CSMD1: variants seen among roughly 807,000 people sequenced by gnomAD.
CSMD1 encodes the protein CUB and sushi domain-containing protein 1.
CSMD1 carries 213 observed loss-of-function variants against 417.5 expected under a neutral mutation model. The observed-to-expected ratio is 0.51, with a 90% confidence interval of 0.46 to 0.57. CSMD1 has a LOEUF of 0.57. CSMD1 is among the 20% of genes least tolerant of loss of function. CSMD1 has a pLI of 0.00. For synonymous variants in CSMD1, 2,862 were observed against 1,736.8 expected (o/e 1.65, Z -16.11); for missense variants, 6,923 against 4,529.7 (o/e 1.53, Z -15.17).
At chr8:4,429,730 T>C (rs1797763696) in intron 2 of CSMD1, among the ~76,000 whole-genome samples, 1 of 152,154 alleles carries the variant, frequency 6.6e-6, no homozygotes, top group East Asian at 1.9e-4. Context: ...GTGGGTCTCC[T>C]GTAACCCACA....
intron 1 of CSMD1, among the ~76,000 whole-genome samples, chr8:4,678,538 G>T (rs1805837127): frequency 6.6e-6 from 1 of 152,118 alleles, no homozygotes; most frequent in African/African-American, 2.4e-5. Flanking sequence ...GTGAATTTCA[G>T]CAATAATTCT....
At chr8:4,514,808 C>G (rs1396379871) in intron 2 of CSMD1, among the ~76,000 whole-genome samples, 1 of 152,130 alleles carries the variant, frequency 6.6e-6, no homozygotes, top group African/African-American at 2.4e-5. Flanking sequence ...TACCTTAGTG[C>G]TGGCTGCTGT....
chr8:3,628,652 A>T (rs1227876401), intron 7 of CSMD1, among the ~76,000 whole-genome samples: 1 of 152,072 alleles, frequency 6.6e-6, no homozygotes. Flanking sequence ...AGGGGAGGGC[A>T]TGGGCATCCT....
At chr8:3,337,473 A>AGAT (rs1373033350) in intron 23 of CSMD1, among the ~76,000 whole-genome samples, 1 of 152,174 alleles carries the variant, frequency 6.6e-6, no homozygotes, top group Non-Finnish European at 1.5e-5. Context: ...ATGGCTTCAA[A>AGAT]GATCTCTTTG....
chr8:3,829,217 T>C (rs957820797), intron 5 of CSMD1, among the ~76,000 whole-genome samples: 2 of 152,088 alleles, frequency 1.3e-5, no homozygotes, highest in South Asian at 2.1e-4. Context: ...GTCCATTGTA[T>C]CCTTCTTATG....
chr8:3,316,321 G>GT (rs1279067535), intron 23 of CSMD1, among the ~76,000 whole-genome samples: 1 of 150,998 alleles, frequency 6.6e-6, no homozygotes. Context: ...ATAATGAGCT[G>GT]TAAAAAAAAT....
At chr8:3,634,997 T>C (rs2117275596) in intron 7 of CSMD1, among the ~76,000 whole-genome samples, 1 of 152,140 alleles carries the variant, frequency 6.6e-6, no homozygotes, top group South Asian at 2.1e-4. Context: ...AATTTGTGTA[T>C]CTAAACCTAA....
At chr8:4,162,105 A>T (rs1024981005) in intron 3 of CSMD1, among the ~76,000 whole-genome samples, 9 of 152,202 alleles carry the variant, frequency 5.9e-5, no homozygotes, top group African/African-American at 2.2e-4. Flanking sequence ...ACACTGAAGC[A>T]ATATATGGTT....
chr8:4,404,365 G>C (rs917626973), intron 3 of CSMD1, among the ~76,000 whole-genome samples: 2 of 152,122 alleles, frequency 1.3e-5, no homozygotes, highest in South Asian at 2.1e-4. Flanking sequence ...CAGGGATTTT[G>C]TGCTGTTTTG....
intron 1 of CSMD1, among the ~76,000 whole-genome samples, chr8:4,867,254 C>G (rs951918942): frequency 6.6e-6 from 1 of 151,970 alleles, no homozygotes; most frequent in African/African-American, 2.4e-5. Context: ...GTTAAATATG[C>G]AAATTGATAA....
intron 3 of CSMD1, among the ~76,000 whole-genome samples, chr8:4,228,471 C>T (rs1432215193): frequency 6.6e-6 from 1 of 152,104 alleles, no homozygotes; most frequent in Non-Finnish European, 1.5e-5. Context: ...CACCACACAG[C>T]TTCCACTGTA....
At chr8:4,646,177 G>A (rs1228459382) in intron 1 of CSMD1, among the ~76,000 whole-genome samples, 6 of 152,152 alleles carry the variant, frequency 3.9e-5, no homozygotes, top group Non-Finnish European at 8.8e-5. Flanking sequence ...AGCACCCATT[G>A]CCAGTGGAGA....
chr8:3,346,260 T>G (rs1233400195), intron 22 of CSMD1, among the ~76,000 whole-genome samples: 1 of 152,220 alleles, frequency 6.6e-6, no homozygotes, highest in African/African-American at 2.4e-5. Context: ...CAATCACAAA[T>G]GAACATAATT....
intron 6 of CSMD1, among the ~76,000 whole-genome samples, chr8:3,733,259 C>CACGT (rs1554525036): frequency 6.8e-6 from 1 of 147,302 alleles, no homozygotes; most frequent in Non-Finnish European, 1.5e-5. Flanking sequence ...AATATATATA[C>CACGT]ACATACACAT....
intron 3 of CSMD1, among the ~76,000 whole-genome samples, chr8:4,248,098 G>C (rs774403404): frequency 6.6e-6 from 1 of 151,816 alleles, no homozygotes; most frequent in Non-Finnish European, 1.5e-5. Flanking sequence ...AATTATTTTT[G>C]TGTATATTTC....
intron 1 of CSMD1, among the ~76,000 whole-genome samples, chr8:4,665,252 A>C (rs1804846856): frequency 6.6e-6 from 1 of 152,168 alleles, no homozygotes; most frequent in South Asian, 2.1e-4. Flanking sequence ...ACTTTCTCTG[A>C]AACTTCAAAG....
rs369577364 is a variant in CSMD1 at position 4,048,031 on chromosome 8, C to G, written c.416-15932G>C. Among the ~76,000 whole-genome samples the G allele has an allele frequency of 1.2e-3, 184 of 152,242 alleles. 2 individuals are homozygous for G. Among genetic ancestry groups the G allele is most frequent in the African/African-American group, 4.1e-3 (169 of 41,542 alleles). On this transcript the variant is annotated intron_variant, in intron 3 of 69. Transcript: ENST00000635120. ...ATGAGAGATCAAACCGTTTTGCCCA[C>G]TAAAATGACATGTAGAATTCATTCT...
chr8:3,640,488 T>C (rs751492502), intron 7 of CSMD1, among the ~76,000 whole-genome samples: 5 of 152,192 alleles, frequency 3.3e-5, no homozygotes, highest in African/African-American at 1.2e-4. Flanking sequence ...TTTTGTCTAA[T>C]CAGTTAATGG....
intron 1 of CSMD1, among the ~76,000 whole-genome samples, chr8:4,736,455 C>T (rs187045553): frequency 5.3e-5 from 8 of 151,964 alleles, no homozygotes; most frequent in East Asian, 1.9e-4. Flanking sequence ...GCAGCAGGCC[C>T]CTCAGGTGGG....
Sources: gnomAD v4.1 joint callset for allele counts (sites outside exome capture counted in the v4.1 genomes callset) on GRCh38, gnomAD v4.1.1 for gene constraint, MANE v1.5 for transcripts, NCBI Gene and HGNC (gene_info 2026-07-23, HGNC 2026-07-21) for gene names.